The following KLF12 variants were observed in gnomAD, a reference collection of about 807,000 sequenced individuals.
The protein encoded by KLF12 is Krueppel-like factor 12.
In KLF12, 9 loss-of-function variants were observed where a neutral mutation model predicts 37.8. That is an observed-to-expected ratio of 0.24 (90% CI 0.14 to 0.42). The LOEUF (loss-of-function observed/expected upper bound fraction) is 0.42. Ranked by LOEUF, KLF12 falls within the 10% of genes least tolerant of loss-of-function variation. The pLI is 1.00. For synonymous variants in KLF12, 208 were observed against 202.1 expected, an observed-to-expected ratio of 1.03 and a Z score of -0.25; for missense variants, 411 against 516.0, an observed-to-expected ratio of 0.80 and a Z score of 1.97.
At chr13:73,773,586 C>T (rs946187097) in intron 5 of KLF12, among the ~76,000 whole-genome samples, 2 of 150,624 alleles carry the variant, frequency 1.3e-5, no homozygotes, top group African/African-American at 4.9e-5. Flanking sequence ...TATCTGTGTT[C>T]CATTTCCACA....
intron 1 of KLF12, among the ~76,000 whole-genome samples, chr13:74,093,535 C>A (rs1415334660): frequency 1.3e-5 from 2 of 152,034 alleles, no homozygotes; most frequent in Non-Finnish European, 2.9e-5. Context: ...TGAAAAAGAA[C>A]ATTGTAAACT....
chr13:74,115,702 CAA>C (rs10607202), intron 1 of KLF12, among the ~76,000 whole-genome samples: 99,871 of 137,178 alleles, frequency 0.73, 35,986 homozygotes, highest in East Asian at 0.93. Flanking sequence ...AAAACTCTGA[CAA>C]AAAAAAAAAA....
intron 6 of KLF12, among the ~76,000 whole-genome samples, chr13:73,725,335 C>G (rs200227768): frequency 6.6e-6 from 1 of 152,122 alleles, no homozygotes; most frequent in South Asian, 2.1e-4. Flanking sequence ...CTCTTGACCT[C>G]GTGATCTGCC....
chr13:73,950,527 G>C (rs1167206772), intron 2 of KLF12, among the ~76,000 whole-genome samples: 1 of 152,214 alleles, frequency 6.6e-6, no homozygotes, highest in Non-Finnish European at 1.5e-5. Context: ...GGGGTTGTGA[G>C]TTGGCTAAAT....
chr13:74,083,493 GACACACACACACACAC>G lies in KLF12; in HGVS notation c.-32+50230_-32+50245del, dbSNP rs61312097. On this transcript the variant is annotated intron_variant, in intron 1 of 7. Coordinates refer to ENST00000377669, the MANE Select transcript of KLF12 (RefSeq NM_007249.5). ...TTGCACTCCAGCCTGGGCGATAGGA[GACACACACACACACAC>G]ACACACACACACACACACACACACA... Among the ~76,000 whole-genome samples the G allele has an allele frequency of 2.9e-3, 402 of 136,514 alleles. 3 individuals are homozygous for G. Among genetic ancestry groups the G allele is most frequent in the Middle Eastern group, 3.8e-3 (1 of 264 alleles). The allele number at this position is 136,514 out of a possible 152,430, so 89.6% of individuals were successfully genotyped here.
the KLF12 span, among the ~76,000 whole-genome samples, chr13:74,300,072 C>T: frequency 1.3e-5 from 2 of 152,002 alleles, no homozygotes; most frequent in Non-Finnish European, 2.9e-5. Flanking sequence ...GGGAAATCAC[C>T]TTTTATCCTA....
intron 3 of KLF12, among the ~76,000 whole-genome samples, chr13:73,857,473 C>T (rs540138068): frequency 5.9e-5 from 9 of 152,124 alleles, no homozygotes; most frequent in Middle Eastern, 3.4e-3. Context: ...TAAAATGTGA[C>T]GGAATTTGTT....
At chr13:73,695,764 A>G in intron 7 of KLF12, 93 bp from the exon 8 acceptor site, 1 of 1,199,044 alleles carries the variant, frequency 8.3e-7, no homozygotes, top group Non-Finnish European at 1.2e-6. Flanking sequence ...TGGTGTTCTC[A>G]ATGAATTTTC....
chr13:74,062,702 G>A (rs1014051287), intron 1 of KLF12, among the ~76,000 whole-genome samples: 1 of 152,036 alleles, frequency 6.6e-6, no homozygotes, highest in Admixed American at 6.6e-5. Context: ...TCTTTGTTTT[G>A]CTTGTAATCT....
At chr13:74,084,346 T>C (rs1316699172) in intron 1 of KLF12, among the ~76,000 whole-genome samples, 2 of 152,142 alleles carry the variant, frequency 1.3e-5, no homozygotes, top group African/African-American at 4.8e-5. Flanking sequence ...CCACAGATCA[T>C]CCTATTCTGT....
intron 5 of KLF12, among the ~76,000 whole-genome samples, chr13:73,789,673 CTTT>C (rs376606853): frequency 4.9e-5 from 7 of 141,758 alleles, no homozygotes; most frequent in Admixed American, 7.1e-5. Flanking sequence ...TATCTCTAAT[CTTT>C]TTTTTTTTTT....
chr13:74,188,761 C>T, the KLF12 span, among the ~76,000 whole-genome samples: 5 of 152,022 alleles, frequency 3.3e-5, no homozygotes, highest in South Asian at 2.1e-4. Flanking sequence ...TTTGGAAGGC[C>T]GAGGCAGGTG....
chr13:73,918,948 T>G (rs1483617918), intron 3 of KLF12, among the ~76,000 whole-genome samples: 2 of 152,200 alleles, frequency 1.3e-5, no homozygotes, highest in African/African-American at 4.8e-5. Flanking sequence ...ATTGAGTTAG[T>G]TTGACTACTC....
rs1417391202 is a variant in KLF12 at position 73,875,015 on chromosome 13, A to G, written c.124-28642T>C. Among the ~76,000 whole-genome samples, 7 of 152,254 alleles carry G rather than the reference A, an allele frequency of 4.6e-5. No individual in the cohort carries two copies. The East Asian group carries it at 1.3e-3, about 29-fold the overall frequency. ...AGGAATAATTTGAGTATGGTTTACA[A>G]TTATGTTTCAACACTGGTCATCTTA... On this transcript the variant is annotated intron_variant, in intron 3 of 7. Transcript: ENST00000377669.
intron 4 of KLF12, among the ~76,000 whole-genome samples, chr13:73,828,941 G>C (rs1297175090): frequency 6.6e-6 from 1 of 151,990 alleles, no homozygotes; most frequent in Non-Finnish European, 1.5e-5. Context: ...TTGTTACACA[G>C]AGAATGTAAC....
chr13:74,174,276 T>A, the KLF12 span, among the ~76,000 whole-genome samples: 2 of 152,188 alleles, frequency 1.3e-5, no homozygotes, highest in East Asian at 3.8e-4. Flanking sequence ...CTGCTAAATT[T>A]CTTGCTTCCC....
chr13:74,183,853 C>T, the KLF12 span, among the ~76,000 whole-genome samples: 3 of 152,152 alleles, frequency 2.0e-5, no homozygotes, highest in African/African-American at 7.2e-5. Flanking sequence ...GGGAGGATTG[C>T]TTGAGCCTGG....
At chr13:73,734,607 T>C (rs1470669891) in intron 6 of KLF12, among the ~76,000 whole-genome samples, 2 of 150,846 alleles carry the variant, frequency 1.3e-5, no homozygotes, top group African/African-American at 2.4e-5. Flanking sequence ...AAATGTCTTT[T>C]CTTCCTTTTT....
chr13:74,254,777 T>A, the KLF12 span, among the ~76,000 whole-genome samples: 1 of 151,954 alleles, frequency 6.6e-6, no homozygotes, highest in Non-Finnish European at 1.5e-5. Context: ...TTTGCGTGTA[T>A]GTGTGTGTGT....
Sources: allele counts gnomAD v4.1 joint callset (sites outside exome capture counted in the v4.1 genomes callset), GRCh38; gene constraint gnomAD v4.1.1; transcripts MANE v1.5; gene names NCBI Gene and HGNC (gene_info 2026-07-23, HGNC 2026-07-21).